Variants in BANK1 observed in about 807,000 individuals in gnomAD.
The protein encoded by BANK1 is B-cell scaffold protein with ankyrin repeats.
Under a neutral mutation model 94.5 loss-of-function variants are expected in BANK1, and 95 were observed. That is an observed-to-expected ratio of 1.00 (90% CI 0.85 to 1.19). The LOEUF (loss-of-function observed/expected upper bound fraction) is 1.19. Ranked by LOEUF, BANK1 falls within the 50% of genes most tolerant of loss-of-function variation. BANK1 has a pLI of 0.00. For synonymous variants in BANK1, 334 were observed against 308.4 expected (o/e 1.08, Z -0.87); for missense variants, 987 against 932.2 (o/e 1.06, Z -0.77).
chr4:101,973,427 A>G (rs1458945088), intron 7 of BANK1, among the ~76,000 whole-genome samples: 1 of 152,082 alleles, frequency 6.6e-6, no homozygotes, highest in Non-Finnish European at 1.5e-5. Context: ...TCAAAGCCAT[A>G]CAGTCAATAT....
chr4:101,998,961 A>G (rs886773922), intron 7 of BANK1, among the ~76,000 whole-genome samples: 2 of 152,164 alleles, frequency 1.3e-5, no homozygotes, highest in African/African-American at 4.8e-5. Flanking sequence ...ACAGCCTGAT[A>G]AAGGGTGCAA....
At position 101,790,761 on chromosome 4, in the gene BANK1, GC is replaced by G; in HGVS notation, c.-119del. On this transcript the variant is annotated 5_prime_UTR_variant, in exon 1 of 17. Transcript: ENST00000322953. Reference sequence around the variant, plus strand: ...TGGCCGCAGCCTCCGCGGGTGGCAAGCGGGCTGGGGAGAGCCGAGGGCCAAA... The same window carrying G: ...TGGCCGCAGCCTCCGCGGGTGGCAAGGGGCTGGGGAGAGCCGAGGGCCAAA... 1 of 1,122,140 alleles carries G rather than the reference GC, an allele frequency of 8.9e-7. No homozygotes were observed. Among genetic ancestry groups the G allele is most frequent in the South Asian group, 1.4e-5 (1 of 74,052 alleles). The allele number at this position is 1,122,140 out of a possible 1,614,324, so 69.5% of individuals were successfully genotyped here. A position where few individuals can be genotyped will look rare whatever the true frequency, so the allele number is the denominator to read the frequency against.
At chr4:101,856,101 C>T (rs1315775189) in intron 3 of BANK1, among the ~76,000 whole-genome samples, 1 of 152,166 alleles carries the variant, frequency 6.6e-6, no homozygotes, top group Non-Finnish European at 1.5e-5. Context: ...CAGGGGCTCA[C>T]TGACCTTTGG....
intron 7 of BANK1, among the ~76,000 whole-genome samples, chr4:102,000,322 CAAAA>C (rs3974642): frequency 3.0e-5 from 2 of 66,094 alleles, no homozygotes; most frequent in African/African-American, 6.1e-5. Context: ...AACTCTGTCT[CAAAA>C]AAAAAAAAAA....
At chr4:101,887,654 T>C (rs1000229276) in intron 5 of BANK1, among the ~76,000 whole-genome samples, 45 of 152,326 alleles carry the variant, frequency 3.0e-4, no homozygotes, top group African/African-American at 1.1e-3. Context: ...TCTCAAAACA[T>C]ATTTTCTTCA....
chr4:102,032,118 T>C (rs767815132), intron 10 of BANK1: 2 of 152,232 alleles, frequency 1.3e-5, no homozygotes, highest in Non-Finnish European at 2.9e-5. Flanking sequence ...TTGACAAAGT[T>C]GCTAAATACC....
At chr4:101,973,218 A>G (rs562774759) in intron 7 of BANK1, among the ~76,000 whole-genome samples, 2 of 152,170 alleles carry the variant, frequency 1.3e-5, no homozygotes, top group African/African-American at 4.8e-5. Context: ...TAATTATTCC[A>G]CATTGTATTA....
chr4:101,959,300 C>T (rs763730160), intron 7 of BANK1, among the ~76,000 whole-genome samples: 5 of 151,862 alleles, frequency 3.3e-5, no homozygotes, highest in African/African-American at 7.3e-5. Flanking sequence ...CCACCACGCC[C>T]GGCTAATTTT....
chr4:101,913,089 A>G (rs1038159609), intron 6 of BANK1, among the ~76,000 whole-genome samples: 6 of 152,044 alleles, frequency 3.9e-5, no homozygotes, highest in Non-Finnish European at 7.4e-5. Flanking sequence ...TCTGATCCCA[A>G]CCCAGCCCAT....
At chr4:102,048,659 G>A (rs1210771427) in intron 11 of BANK1, among the ~76,000 whole-genome samples, 2 of 152,036 alleles carry the variant, frequency 1.3e-5, no homozygotes, top group African/African-American at 4.8e-5. Flanking sequence ...AAGGTAAAAA[G>A]GAATTATTAT....
chr4:101,885,901 G>T (rs1459069934), intron 5 of BANK1, among the ~76,000 whole-genome samples: 8 of 152,160 alleles, frequency 5.3e-5, no homozygotes, highest in Non-Finnish European at 1.2e-4. Flanking sequence ...AACGTGTATA[G>T]AACATTAATG....
At chr4:101,798,944 G>A (rs1725255717) in intron 1 of BANK1, among the ~76,000 whole-genome samples, 4 of 152,102 alleles carry the variant, frequency 2.6e-5, no homozygotes. Context: ...TTCTTTTGCT[G>A]TGCAGAAGCT....
At chr4:101,977,117 C>A (rs1452769637) in intron 7 of BANK1, 1 of 152,100 alleles carries the variant, frequency 6.6e-6, no homozygotes, top group Non-Finnish European at 1.5e-5. Context: ...TAACAGAAAA[C>A]ACAGAATTCT....
At chr4:101,892,184 T>G (rs999480963) in intron 5 of BANK1, among the ~76,000 whole-genome samples, 1 of 150,788 alleles carries the variant, frequency 6.6e-6, no homozygotes, top group Non-Finnish European at 1.5e-5. Context: ...ATTTAAAATA[T>G]AATTTATATC....
intron 7 of BANK1, among the ~76,000 whole-genome samples, chr4:101,967,101 G>A (rs1335898956): frequency 2.0e-5 from 3 of 152,072 alleles, no homozygotes; most frequent in Non-Finnish European, 4.4e-5. Context: ...CTGCTTTTAG[G>A]AGAAATAAAT....
At chr4:101,994,307 G>A (rs1188669964) in intron 7 of BANK1, among the ~76,000 whole-genome samples, 1 of 152,174 alleles carries the variant, frequency 6.6e-6, no homozygotes, top group African/African-American at 2.4e-5. Context: ...CTACAGAAAT[G>A]CTTATTGTAT....
At chr4:101,988,235 A>G (rs1232704460) in intron 7 of BANK1, among the ~76,000 whole-genome samples, 19 of 152,184 alleles carry the variant, frequency 1.2e-4, no homozygotes, top group Admixed American at 1.2e-3. Flanking sequence ...TTTGACTCAA[A>G]TTTTATGCTT....
intron 8 of BANK1, among the ~76,000 whole-genome samples, 153 bp downstream of exon 8, chr4:102,021,745 CACT>C (rs1376558992): frequency 6.6e-6 from 1 of 151,964 alleles, no homozygotes; most frequent in African/African-American, 2.4e-5. Context: ...GTAATAGAGA[CACT>C]ACTACATCAT....
chr4:101,794,535 A>AT (rs1725090835), intron 1 of BANK1, among the ~76,000 whole-genome samples: 1 of 152,118 alleles, frequency 6.6e-6, no homozygotes, highest in Non-Finnish European at 1.5e-5. Flanking sequence ...CAAACATTTC[A>AT]TAAGTCATCA....
Sources: allele counts gnomAD v4.1 joint callset (sites outside exome capture counted in the v4.1 genomes callset), GRCh38; gene constraint gnomAD v4.1.1; transcripts MANE v1.5; gene names NCBI Gene and HGNC (gene_info 2026-07-23, HGNC 2026-07-21).